The following KAZN variants were observed in gnomAD, a reference collection of about 807,000 sequenced individuals.
The protein encoded by KAZN is kazrin.
A neutral mutation model predicts 87.4 loss-of-function variants in KAZN; 40 were observed. The ratio of observed to expected loss-of-function variants is 0.46; its 90% CI spans 0.36 to 0.60. The LOEUF (loss-of-function observed/expected upper bound fraction) is 0.60. Ranked by LOEUF, KAZN falls within the 20% of genes least tolerant of loss-of-function variation. The pLI is 0.00. For synonymous variants in KAZN, 466 were observed against 458.3 expected, an observed-to-expected ratio of 1.02 and a Z score of -0.22; for missense variants, 898 against 1,073.9, an observed-to-expected ratio of 0.84 and a Z score of 2.29.
chr1:14,664,723 G>A lies in KAZN; in HGVS notation c.226+65500G>A, dbSNP rs575958221. Among the ~76,000 whole-genome samples the A allele has an allele frequency of 3.7e-4, 54 of 147,810 alleles. 3 individuals carry two copies. Among genetic ancestry groups the A allele is most frequent in the Admixed American group, 3.3e-3 (49 of 14,678 alleles). On this transcript the variant is annotated intron_variant, in intron 1 of 14. Transcript: ENST00000376030. ...GGCTGGAGTGCATTGGTGTGATCTC[G>A]GCTCACTGCAAGCTCCGCCTCCCAG...
chr1:14,336,309 T>C (rs1449036747), intron 2 of KAZN, among the ~76,000 whole-genome samples: 1 of 152,252 alleles, frequency 6.6e-6, no homozygotes, highest in Non-Finnish European at 1.5e-5. Flanking sequence ...TCATTCCTGT[T>C]TATGGCTGAA....
chr1:14,354,925 G>A (rs966624542), intron 2 of KAZN, among the ~76,000 whole-genome samples: 9 of 151,968 alleles, frequency 5.9e-5, no homozygotes. Context: ...ATTCATAATA[G>A]TCCAAAATTG....
At chr1:15,005,830 G>A (rs1421835217) in intron 2 of KAZN, among the ~76,000 whole-genome samples, 1 of 152,098 alleles carries the variant, frequency 6.6e-6, no homozygotes, top group Non-Finnish European at 1.5e-5. Flanking sequence ...GGGCATTAGT[G>A]TTGGCATCTC....
chr1:14,788,554 G>C (rs1027256859), intron 1 of KAZN, among the ~76,000 whole-genome samples: 1 of 152,100 alleles, frequency 6.6e-6, no homozygotes, highest in Non-Finnish European at 1.5e-5. Flanking sequence ...GGCTTTTAGA[G>C]TGATGAGCCA....
At chr1:14,426,655 T>C (rs1665747382) in intron 2 of KAZN, among the ~76,000 whole-genome samples, 1 of 152,150 alleles carries the variant, frequency 6.6e-6, no homozygotes, top group African/African-American at 2.4e-5. Flanking sequence ...AGACTGAGAC[T>C]TCTGTGCTTA....
intron 1 of KAZN, among the ~76,000 whole-genome samples, chr1:14,689,194 CAA>C (rs1467917736): frequency 9.6e-5 from 2 of 20,816 alleles, no homozygotes; most frequent in Non-Finnish European, 2.4e-4. Context: ...GACTCTGTCT[CAA>C]AACAAAACAA....
intron 2 of KAZN, among the ~76,000 whole-genome samples, chr1:14,451,938 GT>G (rs1421734949): frequency 1.5e-5 from 2 of 135,092 alleles, no homozygotes; most frequent in African/African-American, 5.0e-5. Context: ...ACTCTTTTTT[GT>G]TTTGTTTTGT....
chr1:14,676,975 A>C (rs1353569077), intron 1 of KAZN, among the ~76,000 whole-genome samples: 3 of 152,174 alleles, frequency 2.0e-5, no homozygotes, highest in African/African-American at 4.8e-5. Flanking sequence ...ACAATAATAA[A>C]ATTAACACAC....
At chr1:14,350,787 A>G (rs536678584) in intron 2 of KAZN, 17 of 152,406 alleles carry the variant, frequency 1.1e-4, no homozygotes, top group Admixed American at 3.3e-4. Context: ...AGATCAGCCC[A>G]TCGGGAAGCT....
chr1:14,430,704 C>G (rs80124379), intron 2 of KAZN, among the ~76,000 whole-genome samples: 1 of 152,174 alleles, frequency 6.6e-6, no homozygotes, highest in East Asian at 1.9e-4. Flanking sequence ...TGGGACAGAA[C>G]CTAAGTCCTG....
chr1:14,256,885 G>A (rs920404064), intron 2 of KAZN, among the ~76,000 whole-genome samples: 1 of 152,088 alleles, frequency 6.6e-6, no homozygotes, highest in Non-Finnish European at 1.5e-5. Context: ...GATCTGTAAA[G>A]GCATCGATGA....
chr1:14,197,369 TAA>T (rs34028778), intron 2 of KAZN, among the ~76,000 whole-genome samples: 14 of 132,218 alleles, frequency 1.1e-4, no homozygotes, highest in Non-Finnish European at 1.7e-4. Context: ...TCTTTTAAAT[TAA>T]AAAAAAAGTA....
intron 1 of KAZN, among the ~76,000 whole-genome samples, chr1:14,610,753 G>T (rs912790266): frequency 1.3e-5 from 2 of 151,854 alleles, no homozygotes; most frequent in Non-Finnish European, 2.9e-5. Flanking sequence ...CCTGCATGGA[G>T]ACTAGTGGAT....
At chr1:14,453,722 G>A (rs1667409772) in intron 2 of KAZN, among the ~76,000 whole-genome samples, 1 of 152,142 alleles carries the variant, frequency 6.6e-6, no homozygotes, top group Non-Finnish European at 1.5e-5. Context: ...TGTAATCCCA[G>A]CTACTAGGGA....
chr1:14,510,427 C>T (rs1314273144), intron 2 of KAZN, among the ~76,000 whole-genome samples: 1 of 150,380 alleles, frequency 6.6e-6, no homozygotes, highest in African/African-American at 2.4e-5. Flanking sequence ...AGGTCAGCAA[C>T]AAAATCTTTT....
At chr1:14,009,522 G>A (rs1640190469) in intron 1 of KAZN, among the ~76,000 whole-genome samples, 1 of 152,122 alleles carries the variant, frequency 6.6e-6, no homozygotes, top group Non-Finnish European at 1.5e-5. Flanking sequence ...GAGTGTGATA[G>A]CTCACTTAAT....
chr1:14,153,906 G>A (rs1285180329), intron 1 of KAZN, among the ~76,000 whole-genome samples: 1 of 152,070 alleles, frequency 6.6e-6, no homozygotes, highest in Non-Finnish European at 1.5e-5. Flanking sequence ...GGTTACTGTA[G>A]GTCTGTAGTA....
In KAZN at chr1:14,466,695, G is replaced by C. The variant is rs369792410; in HGVS notation, c.250-132288G>C. Among the ~76,000 whole-genome samples, 9 of 151,390 alleles carry C rather than the reference G, an allele frequency of 5.9e-5. No individual in the cohort carries two copies. In the South Asian group the frequency reaches 1.9e-3, roughly 32 times the overall value. On this transcript the variant is annotated intron_variant, in intron 2 of 16. Transcript: ENST00000636203. ...AAAAAAGAAGAAGAAACGGCCAGGC[G>C]CGGTGGCTCACGCCTGTAATCCCAG...
At chr1:14,804,030 C>G (rs1380242999) in intron 1 of KAZN, among the ~76,000 whole-genome samples, 2 of 152,260 alleles carry the variant, frequency 1.3e-5, no homozygotes, top group African/African-American at 4.8e-5. Context: ...CTTGCCTGAT[C>G]TTGTGTCCCA....
Sources: gnomAD v4.1 joint callset for allele counts (sites outside exome capture counted in the v4.1 genomes callset) on GRCh38, gnomAD v4.1.1 for gene constraint, MANE v1.5 for transcripts, NCBI Gene and HGNC (gene_info 2026-07-23, HGNC 2026-07-21) for gene names.